The following SH3RF1 variants were observed in gnomAD, a reference collection of about 807,000 sequenced individuals.
SH3RF1 encodes SH3 domain containing ring finger 1, also known as E3 ubiquitin-protein ligase SH3RF1.
A neutral mutation model predicts 74.0 loss-of-function variants in SH3RF1; 32 were observed. The observed-to-expected ratio is 0.43, with a 90% CI of 0.33 to 0.58. The LOEUF is 0.58. Ranked by LOEUF, SH3RF1 falls within the 20% of genes least tolerant of loss-of-function variation. The pLI, the probability that SH3RF1 is intolerant of heterozygous loss-of-function variation, is 0.05. For synonymous variants in SH3RF1, 396 were observed against 439.6 expected, an observed-to-expected ratio of 0.90 and a Z score of 1.24; for missense variants, 954 against 1,130.9, an observed-to-expected ratio of 0.84 and a Z score of 2.24.
intron 2 of SH3RF1, among the ~76,000 whole-genome samples, chr4:169,248,907 T>C (rs76139079): frequency 0.045 from 6,783 of 152,218 alleles, 239 homozygotes; most frequent in South Asian, 0.18. Flanking sequence ...GTTGCCAATG[T>C]GATGGTATTA....
At chr4:169,249,836 G>A (rs1348238681) in intron 2 of SH3RF1, among the ~76,000 whole-genome samples, 1 of 152,140 alleles carries the variant, frequency 6.6e-6, no homozygotes, top group East Asian at 1.9e-4. Flanking sequence ...TCAATGAGTT[G>A]TACATATAAC....
chr4:169,150,216 G>A (rs868655560), intron 4 of SH3RF1, among the ~76,000 whole-genome samples: 8 of 152,104 alleles, frequency 5.3e-5, no homozygotes, highest in Admixed American at 1.3e-4. Context: ...TGTAACTTAC[G>A]TCAATAAACT....
chr4:169,144,900 A>G (rs1048201351), intron 4 of SH3RF1, among the ~76,000 whole-genome samples: 1 of 152,156 alleles, frequency 6.6e-6, no homozygotes, highest in Admixed American at 6.5e-5. Flanking sequence ...GGAAGAAATA[A>G]TAGAGAAGAA....
chr4:169,234,715 A>C (rs1350797361), intron 2 of SH3RF1, among the ~76,000 whole-genome samples: 1 of 152,158 alleles, frequency 6.6e-6, no homozygotes, highest in Non-Finnish European at 1.5e-5. Flanking sequence ...GCAAGCATCA[A>C]CCTGTATTTT....
chr4:169,177,353 T>C (rs2126976667), intron 2 of SH3RF1, among the ~76,000 whole-genome samples: 1 of 152,314 alleles, frequency 6.6e-6, no homozygotes, highest in East Asian at 1.9e-4. Flanking sequence ...AGAGAATCTT[T>C]ATAATCACCC....
chr4:169,196,131 A>G (rs1388154754), intron 2 of SH3RF1, among the ~76,000 whole-genome samples: 1 of 152,156 alleles, frequency 6.6e-6, no homozygotes, highest in African/African-American at 2.4e-5. Flanking sequence ...ATAATTATAA[A>G]GTCTATTTCT....
At chr4:169,253,265 T>C (rs1364418723) in intron 2 of SH3RF1, among the ~76,000 whole-genome samples, 1 of 152,246 alleles carries the variant, frequency 6.6e-6, no homozygotes, top group African/African-American at 2.4e-5. Flanking sequence ...TTCTTCTTAA[T>C]CCATAAGGAA....
At chr4:169,137,595 C>T (rs760930784) in intron 4 of SH3RF1, among the ~76,000 whole-genome samples, 1 of 152,124 alleles carries the variant, frequency 6.6e-6, no homozygotes, top group Non-Finnish European at 1.5e-5. Flanking sequence ...TTTTCCATCT[C>T]GGCATTACAC....
chr4:169,096,343 A>C lies in SH3RF1; in HGVS notation c.*176T>G. On this transcript the variant is annotated 3_prime_UTR_variant, in exon 12 of 12. Transcript: ENST00000284637. Reference sequence around the variant, plus strand: ...GAATCCAGACTAACAAAACCCACACAAACATCTTCTTCATTCTGCTCGCTG... The same window carrying C: ...GAATCCAGACTAACAAAACCCACACCAACATCTTCTTCATTCTGCTCGCTG... The C allele has an allele frequency of 1.3e-5, 8 of 627,750 alleles. No homozygotes were observed. The highest frequency in any genetic ancestry group is 1.6e-5 in the Non-Finnish European group (6 of 371,814). The allele number at this position is 627,750 out of a possible 1,614,324, so 38.9% of individuals were successfully genotyped here.
intron 10 of SH3RF1, among the ~76,000 whole-genome samples, chr4:169,114,470 T>C (rs746963721): frequency 6.6e-6 from 1 of 152,160 alleles, no homozygotes; most frequent in Non-Finnish European, 1.5e-5. Flanking sequence ...TAATGAAACA[T>C]CTTTAAAAGT....
intron 11 of SH3RF1, among the ~76,000 whole-genome samples, chr4:169,099,360 A>T (rs1371753523): frequency 6.6e-6 from 1 of 152,218 alleles, no homozygotes; most frequent in Non-Finnish European, 1.5e-5. Flanking sequence ...AAGTGCTGGG[A>T]TTATAGACAT....
Position 169,224,784 on chromosome 4 carries a change from C to T in SH3RF1, c.393+44036G>A, listed in dbSNP as rs542150674. 1.1e-4 allele frequency among the ~76,000 whole-genome samples: 17 copies of T among 152,272 alleles called. 1 individual carries two copies. In the East Asian group the frequency reaches 2.9e-3, roughly 26 times the overall value. On this transcript the variant is annotated intron_variant, in intron 2 of 11. Coordinates refer to ENST00000284637, the MANE Select transcript of SH3RF1 (RefSeq NM_020870.4). ...TCAGATGTAATAAGATGAGGGAGAT[C>T]TTGAAGACTGAGCCATCAGGATTTG...
chr4:169,176,916 T>C (rs1354447873), intron 2 of SH3RF1, among the ~76,000 whole-genome samples: 1 of 150,610 alleles, frequency 6.6e-6, no homozygotes, highest in Non-Finnish European at 1.5e-5. Context: ...TTACCGTGCC[T>C]GGTTAATTTC....
At chr4:169,115,411 A>C (rs1002543269) in intron 10 of SH3RF1, among the ~76,000 whole-genome samples, 2 of 152,176 alleles carry the variant, frequency 1.3e-5, no homozygotes, top group Admixed American at 6.5e-5. Flanking sequence ...TCAGATCAGC[A>C]GGGGCATTAG....
At chr4:169,260,030 TAATA>T (rs1731252953) in intron 2 of SH3RF1, among the ~76,000 whole-genome samples, 1 of 152,190 alleles carries the variant, frequency 6.6e-6, no homozygotes, top group South Asian at 2.1e-4. Flanking sequence ...GGGGATAGAT[TAATA>T]AATGGAGTGA....
chr4:169,182,738 C>T (rs539450490), intron 2 of SH3RF1, among the ~76,000 whole-genome samples: 1 of 152,084 alleles, frequency 6.6e-6, no homozygotes, highest in Admixed American at 6.5e-5. Flanking sequence ...GCAAAGTGTT[C>T]AAGTGTAAAG....
At chr4:169,221,509 C>A (rs1043912552) in intron 2 of SH3RF1, among the ~76,000 whole-genome samples, 2 of 152,150 alleles carry the variant, frequency 1.3e-5, no homozygotes, top group Non-Finnish European at 2.9e-5. Flanking sequence ...TAATCAGTTA[C>A]ACCAACAACT....
At chr4:169,151,737 C>T (rs777319245) in intron 4 of SH3RF1, among the ~76,000 whole-genome samples, 2 of 152,200 alleles carry the variant, frequency 1.3e-5, no homozygotes, top group Non-Finnish European at 2.9e-5. Context: ...AGCAGAGGAG[C>T]AAGTTGCTAA....
chr4:169,266,345 G>A (rs1475536456), intron 2 of SH3RF1, among the ~76,000 whole-genome samples: 1 of 152,158 alleles, frequency 6.6e-6, no homozygotes, highest in African/African-American at 2.4e-5. Flanking sequence ...CAGGCTCACT[G>A]CACCACTTGG....
Sources: gnomAD v4.1 joint callset for allele counts (sites outside exome capture counted in the v4.1 genomes callset) on GRCh38, gnomAD v4.1.1 for gene constraint, MANE v1.5 for transcripts, NCBI Gene and HGNC (gene_info 2026-07-23, HGNC 2026-07-21) for gene names.